The following ZNF182 variants were observed in gnomAD, a reference collection of about 807,000 sequenced individuals.
ZNF182 encodes zinc finger protein 21 (KOX 14).
In ZNF182, 10 loss-of-function variants were observed where a neutral mutation model predicts 28.1. The observed-to-expected ratio is 0.36, with a 90% CI of 0.22 to 0.60. ZNF182 has a LOEUF of 0.60. Among genes scored for constraint, ZNF182 ranks in the 20% least tolerant of loss-of-function variants. The pLI is 0.75. For synonymous variants in ZNF182, 156 were observed against 158.7 expected (o/e 0.98, Z 0.13); for missense variants, 352 against 453.2 (o/e 0.78, Z 2.03).
chrX:48,001,654 T>C (rs1483142361), intron 3 of ZNF182, among the ~76,000 whole-genome samples: 2 of 111,496 alleles, frequency 1.8e-5, no homozygotes, highest in African/African-American at 6.5e-5. Flanking sequence ...GTACTATGGT[T>C]TTTGCAGGAT....
intron 3 of ZNF182, among the ~76,000 whole-genome samples, chrX:47,991,339 C>T (rs1569410607): frequency 8.9e-6 from 1 of 111,840 alleles, no homozygotes; most frequent in East Asian, 2.8e-4. Context: ...TCCTGGACTT[C>T]CAGCCTCCAC....
At chrX:47,987,438 G>C (rs1454781836) in intron 3 of ZNF182, among the ~76,000 whole-genome samples, 1 of 112,562 alleles carries the variant, frequency 8.9e-6, no homozygotes, top group African/African-American at 3.2e-5. Context: ...AAGATAAAAG[G>C]CATAAAAACA....
At chrX:47,992,037 C>G (rs1250802416) in intron 3 of ZNF182, among the ~76,000 whole-genome samples, 3 of 111,625 alleles carry the variant, frequency 2.7e-5, no homozygotes, top group African/African-American at 9.8e-5. Context: ...TTCAAGACAC[C>G]TGGCAGTCAG....
intron 3 of ZNF182, among the ~76,000 whole-genome samples, chrX:47,992,293 A>C (rs1346930418): frequency 8.9e-6 from 1 of 112,018 alleles, no homozygotes; most frequent in Non-Finnish European, 1.9e-5. Context: ...TCAAACAAGA[A>C]GCAGGACTCA....
At chrX:47,996,755 A>C (rs1032233338) in intron 3 of ZNF182, among the ~76,000 whole-genome samples, 1 of 111,684 alleles carries the variant, frequency 9.0e-6, no homozygotes, top group East Asian at 2.8e-4. Flanking sequence ...GCCCTAACCC[A>C]GCAGAACTGG....
At chrX:48,002,941 C>G (rs1320450428) in intron 2 of ZNF182, among the ~76,000 whole-genome samples, 1 of 112,229 alleles carries the variant, frequency 8.9e-6, no homozygotes, top group Non-Finnish European at 1.9e-5. Context: ...ATCATAATTT[C>G]TCTGCACGTA....
At chrX:47,992,596 C>T (rs2058945574) in intron 3 of ZNF182, among the ~76,000 whole-genome samples, 1 of 111,288 alleles carries the variant, frequency 9.0e-6, no homozygotes, top group African/African-American at 3.3e-5. Flanking sequence ...TCTGTCCCCC[C>T]GTGCCCCTCT....
rs983111970 is a variant in ZNF182, at chrX:48,003,980, C to A, written c.-311G>T. 1.4e-4 allele frequency: 16 copies of A among 112,577 alleles called. No individual in the cohort carries two copies. Among genetic ancestry groups the A allele is most frequent in the Non-Finnish European group, 1.1e-4 (6 of 53,321 alleles). 9.3% of individuals were successfully genotyped at this position (112,577 alleles called of 1,213,427 possible). ...CAAAGCCTGGCCCCAACAAGCACTT[C>A]CGCTTCGGGACCGACTCTTTGGCAC... is the stretch of plus-strand genomic sequence containing the variant. On this transcript the variant is annotated 5_prime_UTR_variant, in exon 1 of 6. Coordinates refer to ENST00000376943, the MANE Select transcript of ZNF182 (RefSeq NM_001007088.2).
At chrX:47,992,364 C>G (rs1556900564) in intron 3 of ZNF182, among the ~76,000 whole-genome samples, 1 of 111,515 alleles carries the variant, frequency 9.0e-6, no homozygotes, top group African/African-American at 3.3e-5. Flanking sequence ...GTGGTCGACT[C>G]AGATATCAGC....
intron 2 of ZNF182, among the ~76,000 whole-genome samples, chrX:48,003,305 T>G (rs1556902135): frequency 8.9e-6 from 1 of 112,664 alleles, no homozygotes. Context: ...GATTTTCTTT[T>G]TCTCTATTTC....
At chrX:47,997,027 T>C (rs1314047053) in intron 3 of ZNF182, among the ~76,000 whole-genome samples, 1 of 111,879 alleles carries the variant, frequency 8.9e-6, no homozygotes, top group Non-Finnish European at 1.9e-5. Flanking sequence ...AGCTACATGC[T>C]GTCTAAAAGA....
intron 3 of ZNF182, among the ~76,000 whole-genome samples, chrX:47,991,559 G>C (rs2058941622): frequency 8.9e-6 from 1 of 112,134 alleles, no homozygotes; most frequent in Admixed American, 9.4e-5. Context: ...AGCCTTCCTT[G>C]TTCCATATAA....
intron 5 of ZNF182, among the ~76,000 whole-genome samples, chrX:47,980,919 A>G (rs2058903243): frequency 8.9e-6 from 1 of 111,920 alleles, no homozygotes; most frequent in Non-Finnish European, 1.9e-5. Context: ...ACCATGCTGG[A>G]AAGTCTTGAT....
Position 47,976,906 on chromosome X carries a change from C to A in ZNF182, c.1124G>T (p.Arg375Ile). ...SDKSTLIIHQ[R>I]THTGEKPHKC... is the part of the protein sequence containing the mutation. ...ATGAGGTTTCTCTCCCGTATGAGTT[C>A]TCTGGTGTATAATGAGAGTTGACTT... is the stretch of plus-strand genomic sequence containing the variant. The change falls in exon 6 of 6, where the codon AGA becomes ATA. Residue 375 changes from arginine to isoleucine, a missense_variant. By Grantham distance (97) the Arg-to-Ile change is moderately conservative. Coordinates refer to ENST00000376943, the MANE Select transcript of ZNF182 (RefSeq NM_001007088.2). 2 of 1,209,843 alleles carry A rather than the reference C, an allele frequency of 1.7e-6. No individual in the cohort carries two copies. Among genetic ancestry groups the A allele is most frequent in the Non-Finnish European group, 2.2e-6 (2 of 894,960 alleles).
At chrX:47,979,150 C>T (rs1439324572) in intron 5 of ZNF182, among the ~76,000 whole-genome samples, 1 of 112,217 alleles carries the variant, frequency 8.9e-6, no homozygotes, top group African/African-American at 3.2e-5. Context: ...AAGAAGAGTA[C>T]AGTAACTACT....
rs2058881799 is a variant in ZNF182, at chrX:47,975,988, T to C, written c.*179A>G. ...GCAGCTGTCTCCTAATTTTGTCAGA[T>C]ACAGAGATTACACTTCTGCTTTTTC... On this transcript the variant is annotated 3_prime_UTR_variant, in exon 6 of 6. Coordinates refer to ENST00000376943, the MANE Select transcript of ZNF182 (RefSeq NM_001007088.2). 2.4e-6 allele frequency: 1 copy of C among 422,106 alleles called. No individual in the cohort carries two copies. The highest frequency in any genetic ancestry group is 5.1e-5 in the Admixed American group (1 of 19,423). The allele number at this position is 422,106 out of a possible 1,213,427, so 34.8% of individuals were successfully genotyped here. A position where few individuals can be genotyped will look rare whatever the true frequency, so the allele number is the denominator to read the frequency against.
intron 5 of ZNF182, among the ~76,000 whole-genome samples, chrX:47,980,231 T>C (rs970947287): frequency 2.7e-5 from 3 of 111,007 alleles, no homozygotes; most frequent in South Asian, 3.8e-4. Context: ...CTCACTCATA[T>C]ATGGGAGCTA....
intron 3 of ZNF182, 158 bp downstream of exon 3, chrX:48,002,437 C>G: frequency 1.4e-6 from 1 of 733,029 alleles, no homozygotes. Context: ...GAGTCCTGCA[C>G]ACCTCTACAT....
chrX:47,976,888 T>C lies in ZNF182; in HGVS notation c.1142A>G (p.Lys381Arg). The C allele has an allele frequency of 8.3e-7, 1 of 1,209,580 alleles. No individual in the cohort carries two copies. ...CCCACATTCAGTACATTTATGAGGTTTCTCTCCCGTATGAGTTCTCTGGTG... is the reference window on the plus strand; with the variant it reads ...CCCACATTCAGTACATTTATGAGGTCTCTCTCCCGTATGAGTTCTCTGGTG... ...IIHQRTHTGE[K>R]PHKCTECGKS... The change falls in exon 6 of 6, where the codon AAA (lysine) becomes AGA (arginine). Residue 381 changes from lysine to arginine, a missense_variant. Lys to Arg is a conservative substitution (Grantham distance 26). Transcript: ENST00000376943.
Sources: allele counts gnomAD v4.1 joint callset (sites outside exome capture counted in the v4.1 genomes callset), GRCh38; gene constraint gnomAD v4.1.1; transcripts MANE v1.5; gene names NCBI Gene and HGNC (gene_info 2026-07-23, HGNC 2026-07-21).